Variants in PPP2R2C observed in about 807,000 individuals in gnomAD.
PPP2R2C encodes protein phosphatase 2, regulatory subunit B, gamma.
PPP2R2C carries 10 observed loss-of-function variants against 45.3 expected under a neutral mutation model. The observed-to-expected ratio is 0.22, with a 90% CI of 0.14 to 0.37. The LOEUF (loss-of-function observed/expected upper bound fraction) is 0.37. Among genes scored for constraint, PPP2R2C ranks in the 10% least tolerant of loss-of-function variants. The probability of loss-of-function intolerance (pLI) is 1.00; values close to 1 mark genes in which losing one functional copy is unlikely to be tolerated. For missense variants in PPP2R2C, 308 were observed against 619.7 expected (o/e 0.50, Z 5.34); for synonymous variants, 257 against 245.4 (o/e 1.05, Z -0.44).
At chr4:6,418,587 C>T (rs1399055707) in intron 1 of PPP2R2C, among the ~76,000 whole-genome samples, 7 of 152,250 alleles carry the variant, frequency 4.6e-5, no homozygotes, top group African/African-American at 1.7e-4. Context: ...TGGGCCTGGG[C>T]ACCCTCAACA....
At chr4:6,333,530 C>T (rs546120893) in intron 7 of PPP2R2C, 32 bp downstream of exon 7, 13 of 1,601,824 alleles carry the variant, frequency 8.1e-6, no homozygotes, top group Middle Eastern at 3.3e-4. Flanking sequence ...AAAAAAGACC[C>T]GGGATTGGGG....
At chr4:6,460,342 AG>A (rs1268773598) in intron 1 of PPP2R2C, among the ~76,000 whole-genome samples, 2 of 152,222 alleles carry the variant, frequency 1.3e-5, no homozygotes, top group African/African-American at 2.4e-5. Context: ...AAGACACAGT[AG>A]GGAGATGTTC....
At chr4:6,410,864 T>C (rs1334517113) in intron 1 of PPP2R2C, among the ~76,000 whole-genome samples, 1 of 150,822 alleles carries the variant, frequency 6.6e-6, no homozygotes, top group East Asian at 1.9e-4. Context: ...TTTATTTATT[T>C]ATTTATTTAT....
At chr4:6,456,256 G>A (rs191419836) in intron 1 of PPP2R2C, among the ~76,000 whole-genome samples, 1 of 152,034 alleles carries the variant, frequency 6.6e-6, no homozygotes, top group African/African-American at 2.4e-5. Flanking sequence ...AGAAGGAAAT[G>A]CAACAAAATG....
intron 1 of PPP2R2C, among the ~76,000 whole-genome samples, chr4:6,417,165 G>C (rs1243931118): frequency 6.6e-6 from 1 of 152,180 alleles, no homozygotes; most frequent in East Asian, 1.9e-4. Context: ...TCCAGCCCCT[G>C]GGCGGGGAGG....
At chr4:6,502,680 T>A (rs973583801) in intron 2 of PPP2R2C, among the ~76,000 whole-genome samples, 4 of 152,140 alleles carry the variant, frequency 2.6e-5, no homozygotes, top group African/African-American at 9.7e-5. Context: ...CAGTTCCAGA[T>A]ACCCTGGAAA....
rs1267993687 is a variant in PPP2R2C, at chr4:6,351,164, A to G, written c.626-3154T>C. 6 of 582,800 alleles carry G rather than the reference A, an allele frequency of 1.0e-5. No individual in the cohort carries two copies. In the Admixed American group the frequency reaches 3.8e-4, roughly 37 times the overall value. 36.1% of individuals were successfully genotyped at this position (582,800 alleles called of 1,614,324 possible). On this transcript the variant is annotated intron_variant, in intron 5 of 8. Transcript: ENST00000382599. Reference sequence around the variant, plus strand: ...TACTAAAAATAAAAAATAAAAAAAAATTAGCCAGGCGTGGTGGCACATGCC... The same window carrying G: ...TACTAAAAATAAAAAATAAAAAAAAGTTAGCCAGGCGTGGTGGCACATGCC...
chr4:6,443,265 T>G (rs1382540408), intron 1 of PPP2R2C, among the ~76,000 whole-genome samples: 9 of 152,182 alleles, frequency 5.9e-5, no homozygotes, highest in Non-Finnish European at 1.0e-4. Context: ...CCATCAACCT[T>G]AATAGGATTA....
At chr4:6,400,617 T>G (rs1387038689) in intron 1 of PPP2R2C, among the ~76,000 whole-genome samples, 2 of 152,232 alleles carry the variant, frequency 1.3e-5, no homozygotes, top group East Asian at 3.8e-4. Context: ...CATCTATTGA[T>G]CTAAGCAACT....
Position 6,471,025 on chromosome 4 carries a change from G to C in PPP2R2C, c.70+1135C>G, listed in dbSNP as rs762981810. 2.3e-4 allele frequency among the ~76,000 whole-genome samples: 35 copies of C among 152,008 alleles called. No homozygotes were observed. The highest frequency in any genetic ancestry group is 4.4e-4 in the Non-Finnish European group (30 of 67,960). ...TCCGGCTCCGCTCGGCCTCATTTCC[G>C]GCAGAGCCAGGCTTCGAGGAGGCGG... is the stretch of plus-strand genomic sequence containing the variant. On this transcript the variant is annotated intron_variant, in intron 1 of 8. Coordinates refer to ENST00000382599, the MANE Select transcript of PPP2R2C (RefSeq NM_020416.4). The surrounding 1 kb of genome is among the most constrained non-coding windows in gnomAD (Gnocchi z 5.6).
chr4:6,430,936 A>G (rs1167506755), intron 1 of PPP2R2C, among the ~76,000 whole-genome samples: 1 of 7,840 alleles, frequency 1.3e-4, no homozygotes, highest in African/African-American at 2.0e-4. Flanking sequence ...AAAAAACAAC[A>G]ACAACAACAA....
intron 2 of PPP2R2C, among the ~76,000 whole-genome samples, chr4:6,505,907 A>G (rs1001260023): frequency 1.3e-5 from 2 of 152,208 alleles, no homozygotes; most frequent in East Asian, 3.9e-4. Flanking sequence ...TGGAGGTTTT[A>G]GTGAGCTGAG....
chr4:6,545,628 G>A (rs1724954166), intron 1 of PPP2R2C, among the ~76,000 whole-genome samples: 1 of 152,184 alleles, frequency 6.6e-6, no homozygotes, highest in African/African-American at 2.4e-5. Flanking sequence ...CTGAACCAGT[G>A]GCTGCACCTC....
intron 5 of PPP2R2C, among the ~76,000 whole-genome samples, chr4:6,353,114 C>T (rs947851628): frequency 1.3e-5 from 2 of 152,004 alleles, no homozygotes; most frequent in South Asian, 2.1e-4. Flanking sequence ...GCCCCCAGGA[C>T]GGTGAGAATA....
At chr4:6,422,036 G>T (rs1719011415) in intron 1 of PPP2R2C, among the ~76,000 whole-genome samples, 1 of 146,630 alleles carries the variant, frequency 6.8e-6, no homozygotes, top group Non-Finnish European at 1.5e-5. Flanking sequence ...GCTGCAGCCG[G>T]ATGGCACATT....
chr4:6,372,782 A>G (rs1324394915), intron 4 of PPP2R2C, 82 bp from the exon 5 acceptor site: 1 of 1,419,536 alleles, frequency 7.0e-7, no homozygotes, highest in Non-Finnish European at 9.8e-7. Flanking sequence ...ATGTGATCCC[A>G]ACCGGAGGCT....
intron 8 of PPP2R2C, among the ~76,000 whole-genome samples, chr4:6,327,737 C>T (rs1013763389): frequency 2.6e-5 from 4 of 152,166 alleles, no homozygotes; most frequent in Non-Finnish European, 5.9e-5. Context: ...AGCCCAGCCC[C>T]GGGTCGGGCC....
chr4:6,483,807 T>C (rs1296675501), intron 2 of PPP2R2C, among the ~76,000 whole-genome samples: 1 of 152,112 alleles, frequency 6.6e-6, no homozygotes, highest in Non-Finnish European at 1.5e-5. Context: ...AATTTTTAAT[T>C]TTATGCAACC....
chr4:6,534,234 C>T (rs977702912), intron 2 of PPP2R2C, among the ~76,000 whole-genome samples: 2 of 149,728 alleles, frequency 1.3e-5, no homozygotes, highest in South Asian at 2.1e-4. Flanking sequence ...CAAACACACA[C>T]CAACACACAT....
Sources: gnomAD v4.1 joint callset for allele counts (sites outside exome capture counted in the v4.1 genomes callset) on GRCh38, gnomAD v4.1.1 for gene constraint, Gnocchi (gnomAD v3.1) non-coding constraint, MANE v1.5 for transcripts, NCBI Gene and HGNC (gene_info 2026-07-23, HGNC 2026-07-21) for gene names.